The following KCNG3 variants were observed in gnomAD, a reference collection of about 807,000 sequenced individuals.
KCNG3 encodes the protein voltage-gated potassium channel regulatory subunit KCNG3.
KCNG3 carries 15 observed loss-of-function variants against 29.0 expected under a neutral mutation model. The ratio of observed to expected loss-of-function variants is 0.52; its 90% CI spans 0.35 to 0.80. The LOEUF (loss-of-function observed/expected upper bound fraction) is 0.80, where lower values mean the gene tolerates loss of function less well. Ranked by LOEUF, KCNG3 falls within the 30% of genes least tolerant of loss-of-function variation. The probability of loss-of-function intolerance (pLI) is 0.01; values close to 1 mark genes in which losing one functional copy is unlikely to be tolerated. For missense variants in KCNG3, 512 were observed against 605.7 expected, an observed-to-expected ratio of 0.85 and a Z score of 1.62; for synonymous variants, 322 against 248.9, an observed-to-expected ratio of 1.29 and a Z score of -2.76.
At position 42,493,361 on chromosome 2, in the gene KCNG3, C is replaced by T. The variant is rs1033285127; in HGVS notation, c.141G>A (p.Val47=). Residue 47 remains valine, a synonymous_variant, in exon 1 of 2, where the codon GTG becomes GTA. Coordinates refer to ENST00000306078, the MANE Select transcript of KCNG3 (RefSeq NM_133329.6). ...GGTCGTAGTCGTCGCACACCTCGAG[C>T]ACGTCGCGCTCGGAGCGGCAGCCGT... The part of the protein sequence containing the change: ...RLHGCRSERD[V]LEVCDDYDRE... 33 of 1,577,608 alleles carry T rather than the reference C, an allele frequency of 2.1e-5. No individual in the cohort carries two copies. Among genetic ancestry groups the T allele is most frequent in the Non-Finnish European group, 2.8e-5 (32 of 1,161,046 alleles).
chr2:42,493,488 C>G lies in KCNG3; in HGVS notation c.14G>C (p.Arg5Pro), dbSNP rs776451345. 7 of 1,412,108 alleles carry G rather than the reference C, an allele frequency of 5.0e-6. No homozygotes were observed. In the Admixed American group the frequency reaches 9.2e-5, roughly 19 times the overall value. 87.5% of individuals were successfully genotyped at this position (1,412,108 alleles called of 1,614,324 possible). A position where few individuals can be genotyped will look rare whatever the true frequency, so the allele number is the denominator to read the frequency against. MTFG[R>P]SGAASVVLNV... Reference sequence around the variant, plus strand: ...CAGCACCACCGAGGCCGCCCCGCTGCGCCCGAAGGTCATGGCTGGCCGCCC... The same window carrying G: ...CAGCACCACCGAGGCCGCCCCGCTGGGCCCGAAGGTCATGGCTGGCCGCCC... The change falls in exon 1 of 2, where the codon CGC (arginine) becomes CCC (proline). Residue 5 changes from arginine to proline, a missense_variant. Physicochemically the swap from Arg to Pro is moderately radical, Grantham distance 103. Transcript: ENST00000306078.
intron 1 of KCNG3, among the ~76,000 whole-genome samples, chr2:42,479,504 G>A (rs1423458355): frequency 1.3e-5 from 2 of 151,818 alleles, no homozygotes; most frequent in Non-Finnish European, 2.9e-5. Context: ...AAATTAGCTG[G>A]GCATGGTGGT....
At chr2:42,421,669 G>A in the KCNG3 span, among the ~76,000 whole-genome samples, 1 of 152,094 alleles carries the variant, frequency 6.6e-6, no homozygotes, top group East Asian at 1.9e-4. Context: ...TACCCTCCTA[G>A]TCACTAGGAG....
chr2:42,421,032 A>G, the KCNG3 span, among the ~76,000 whole-genome samples: 2 of 152,242 alleles, frequency 1.3e-5, no homozygotes, highest in African/African-American at 4.8e-5. Flanking sequence ...ATAAAACGCT[A>G]CCACACAAAA....
At position 42,444,797 on chromosome 2, in the gene KCNG3, C is replaced by T. The variant is rs1672558893; in HGVS notation, c.666-218G>A. 6.6e-6 allele frequency among the ~76,000 whole-genome samples: 1 copy of T among 152,008 alleles called. No individual in the cohort carries two copies. Among genetic ancestry groups the T allele is most frequent in the East Asian group, 1.9e-4 (1 of 5,190 alleles). ...AAAATTGAGACCAGGTGCAGTGGCT[C>T]ATGCATGTAATCCCAGGTCTTTGGA... On this transcript the variant is annotated intron_variant, in intron 1 of 1. Transcript: ENST00000306078. The surrounding 1 kb of genome is among the most constrained non-coding windows in gnomAD (Gnocchi z 5.8).
the KCNG3 span, among the ~76,000 whole-genome samples, chr2:42,395,760 C>A: frequency 6.6e-6 from 1 of 151,828 alleles, no homozygotes; most frequent in Non-Finnish European, 1.5e-5. Flanking sequence ...TCAAGACCAG[C>A]CTGAGCAACA....
chr2:42,483,497 ATGG>A (rs1202446896), intron 1 of KCNG3, among the ~76,000 whole-genome samples: 17 of 152,190 alleles, frequency 1.1e-4, no homozygotes, highest in Non-Finnish European at 8.8e-5. Context: ...GAGTGGGAGC[ATGG>A]GAATCAGAGC....
chr2:42,409,144 G>C, the KCNG3 span, among the ~76,000 whole-genome samples: 1 of 152,040 alleles, frequency 6.6e-6, no homozygotes, highest in Non-Finnish European at 1.5e-5. Flanking sequence ...TGGTGGTGTG[G>C]GATCCAGGCT....
chr2:42,464,327 A>G (rs897816657), intron 1 of KCNG3, among the ~76,000 whole-genome samples: 4 of 152,192 alleles, frequency 2.6e-5, no homozygotes, highest in Non-Finnish European at 5.9e-5. Flanking sequence ...TTGGCCTCCC[A>G]AAGTGCTCAG....
At chr2:42,452,471 TCTAA>T (rs1329712584) in intron 1 of KCNG3, among the ~76,000 whole-genome samples, 3 of 151,798 alleles carry the variant, frequency 2.0e-5, no homozygotes, top group Non-Finnish European at 2.9e-5. Context: ...ACTCATTCTT[TCTAA>T]CTATTTTTTT....
the KCNG3 span, among the ~76,000 whole-genome samples, chr2:42,409,839 G>C: frequency 6.6e-6 from 1 of 150,660 alleles, no homozygotes; most frequent in African/African-American, 2.4e-5. Flanking sequence ...ATACTTATTT[G>C]GCTATAACGT....
the KCNG3 span, among the ~76,000 whole-genome samples, chr2:42,424,262 T>C: frequency 6.6e-6 from 1 of 152,202 alleles, no homozygotes; most frequent in Non-Finnish European, 1.5e-5. Context: ...AGAACCTCAC[T>C]GTATTCACAG....
intron 1 of KCNG3, among the ~76,000 whole-genome samples, chr2:42,452,217 G>A (rs1672772081): frequency 1.0e-5 from 1 of 99,306 alleles, no homozygotes; most frequent in Non-Finnish European, 2.1e-5. Flanking sequence ...AAATGGGGTG[G>A]TAAATATATA....
chr2:42,475,620 G>C (rs552764615), intron 1 of KCNG3, among the ~76,000 whole-genome samples: 1 of 148,886 alleles, frequency 6.7e-6, no homozygotes, highest in East Asian at 2.0e-4. Flanking sequence ...ATGAGCTGCT[G>C]CGCCCGGTCT....
chr2:42,436,578 T>C, the KCNG3 span, among the ~76,000 whole-genome samples: 2 of 152,222 alleles, frequency 1.3e-5, no homozygotes, highest in East Asian at 3.8e-4. Context: ...GGCCACTCAA[T>C]TGCCTCTTGG....
chr2:42,475,025 G>A (rs1572858803), intron 1 of KCNG3, among the ~76,000 whole-genome samples: 1 of 152,154 alleles, frequency 6.6e-6, no homozygotes, highest in Non-Finnish European at 1.5e-5. Flanking sequence ...TTAGCACACA[G>A]TACACAGGTG....
the KCNG3 span, among the ~76,000 whole-genome samples, chr2:42,398,224 AAAATAAATAAAT>A: frequency 0.32 from 44,791 of 141,228 alleles, 7,613 homozygotes; most frequent in African/African-American, 0.45. Flanking sequence ...CTCTGTCTCA[AAAATAAATAAAT>A]AAATAAATAA....
intron 1 of KCNG3, among the ~76,000 whole-genome samples, chr2:42,488,164 A>C (rs1673776898): frequency 6.6e-6 from 1 of 152,238 alleles, no homozygotes; most frequent in Non-Finnish European, 1.5e-5. Flanking sequence ...AACCGTTTTT[A>C]TATGATTATT....
chr2:42,449,045 C>CA (rs1432829901), intron 1 of KCNG3, among the ~76,000 whole-genome samples: 1 of 152,094 alleles, frequency 6.6e-6, no homozygotes, highest in African/African-American at 2.4e-5. Flanking sequence ...TTGGGTTTCC[C>CA]AGGGCCCACT....
Sources: allele counts gnomAD v4.1 joint callset (sites outside exome capture counted in the v4.1 genomes callset), GRCh38; gene constraint gnomAD v4.1.1; non-coding constraint Gnocchi (gnomAD v3.1); transcripts MANE v1.5; gene names NCBI Gene and HGNC (gene_info 2026-07-23, HGNC 2026-07-21).